The following IGF2BP3 variants were observed in gnomAD, a reference collection of about 807,000 sequenced individuals.
The protein encoded by IGF2BP3 is insulin like growth factor 2 mRNA binding protein 3.
In IGF2BP3, 9 loss-of-function variants were observed where a neutral mutation model predicts 73.8. The ratio of observed to expected loss-of-function variants is 0.12; its 90% CI spans 0.07 to 0.21. IGF2BP3 has a LOEUF of 0.21. IGF2BP3 is among the 10% of genes least tolerant of loss of function. The probability of loss-of-function intolerance (pLI) is 1.00; values close to 1 mark genes in which losing one functional copy is unlikely to be tolerated. For missense variants in IGF2BP3, 542 were observed against 714.0 expected, an observed-to-expected ratio of 0.76 and a Z score of 2.75; for synonymous variants, 258 against 256.7, an observed-to-expected ratio of 1.01 and a Z score of -0.05.
intron 3 of IGF2BP3, among the ~76,000 whole-genome samples, chr7:23,381,814 C>A (rs536010069): frequency 6.6e-6 from 1 of 152,174 alleles, no homozygotes; most frequent in Admixed American, 6.5e-5. Flanking sequence ...AATGATCCAC[C>A]CACCTCGGTC....
intron 3 of IGF2BP3, among the ~76,000 whole-genome samples, chr7:23,379,629 C>T (rs533045942): frequency 1.3e-5 from 2 of 152,144 alleles, no homozygotes; most frequent in African/African-American, 4.8e-5. Context: ...TTCTATAAAA[C>T]AGTAAATTGC....
chr7:23,369,382 A>T (rs1785479777), intron 3 of IGF2BP3, among the ~76,000 whole-genome samples: 1 of 152,146 alleles, frequency 6.6e-6, no homozygotes. Flanking sequence ...ATTCAATCAG[A>T]TCATACCTCA....
chr7:23,403,963 A>C (rs1271494270), intron 3 of IGF2BP3, among the ~76,000 whole-genome samples: 4 of 147,782 alleles, frequency 2.7e-5, no homozygotes, highest in Admixed American at 2.0e-4. Flanking sequence ...TTTGTAAAAC[A>C]AAAAAAAAAA....
At chr7:23,382,954 A>G (rs1318544147) in intron 3 of IGF2BP3, among the ~76,000 whole-genome samples, 2 of 150,104 alleles carry the variant, frequency 1.3e-5, no homozygotes, top group African/African-American at 2.5e-5. Flanking sequence ...GCACCTACAG[A>G]TGCAGCTTCT....
chr7:23,349,413 A>G (rs1784906660), intron 6 of IGF2BP3, among the ~76,000 whole-genome samples: 2 of 152,354 alleles, frequency 1.3e-5, no homozygotes, highest in East Asian at 3.9e-4. Context: ...TAATAAAAAA[A>G]TAGTGTCTTA....
chr7:23,389,708 G>A (rs1203221662), intron 3 of IGF2BP3, among the ~76,000 whole-genome samples: 1 of 151,656 alleles, frequency 6.6e-6, no homozygotes, highest in East Asian at 1.9e-4. Context: ...AAAATAAATG[G>A]TCAGGCTGGG....
intron 2 of IGF2BP3, among the ~76,000 whole-genome samples, chr7:23,455,325 C>A (rs1007794094): frequency 2.6e-5 from 4 of 152,188 alleles, no homozygotes; most frequent in African/African-American, 9.7e-5. Flanking sequence ...TTCCCACACA[C>A]ACCCCAGGAT....
chr7:23,455,891 T>C (rs1788305817), intron 2 of IGF2BP3, among the ~76,000 whole-genome samples: 1 of 152,086 alleles, frequency 6.6e-6, no homozygotes, highest in South Asian at 2.1e-4. Flanking sequence ...TTCACTGTAT[T>C]AGCCAGGATG....
intron 2 of IGF2BP3, among the ~76,000 whole-genome samples, chr7:23,449,166 T>A (rs542804070): frequency 1.3e-5 from 2 of 152,130 alleles, no homozygotes; most frequent in South Asian, 4.2e-4. Flanking sequence ...TAATATGCCA[T>A]GGAATTGCAT....
intron 2 of IGF2BP3, among the ~76,000 whole-genome samples, chr7:23,449,983 A>C (rs1788159696): frequency 6.6e-6 from 1 of 152,118 alleles, no homozygotes; most frequent in Non-Finnish European, 1.5e-5. Flanking sequence ...TCCTAATAAC[A>C]CTAAGATGTT....
intron 4 of IGF2BP3, 29 bp downstream of exon 4, chr7:23,361,661 A>C: frequency 6.2e-7 from 1 of 1,613,816 alleles, no homozygotes; most frequent in Non-Finnish European, 8.5e-7. Flanking sequence ...TCCTTTTACA[A>C]ATTTGAAAGC....
At chr7:23,459,822 T>A (rs960766076) in intron 2 of IGF2BP3, among the ~76,000 whole-genome samples, 9 of 150,204 alleles carry the variant, frequency 6.0e-5, no homozygotes, top group South Asian at 2.1e-4. Flanking sequence ...CAAAGTGAGA[T>A]TCTGACTCGA....
At chr7:23,377,124 C>T (rs1417149581) in intron 3 of IGF2BP3, among the ~76,000 whole-genome samples, 3 of 151,546 alleles carry the variant, frequency 2.0e-5, no homozygotes, top group Non-Finnish European at 4.4e-5. Flanking sequence ...AAAAACTGTG[C>T]TAAAAAGAAA....
chr7:23,378,388 ATTTCTCTTCTTGG>A (rs1211992272), intron 3 of IGF2BP3, among the ~76,000 whole-genome samples: 12 of 122,500 alleles, frequency 9.8e-5, no homozygotes, highest in Non-Finnish European at 1.7e-4. Flanking sequence ...GAAAATAGAC[ATTTCTCTTCTTGG>A]TTTTTTTTTG....
chr7:23,420,095 G>A (rs114052828), intron 2 of IGF2BP3, among the ~76,000 whole-genome samples: 33 of 152,316 alleles, frequency 2.2e-4, no homozygotes, highest in African/African-American at 7.7e-4. Context: ...GAAGGAGGAA[G>A]AATTTATAGT....
chr7:23,442,486 C>T (rs1026617770), intron 2 of IGF2BP3, among the ~76,000 whole-genome samples: 8 of 152,092 alleles, frequency 5.3e-5, no homozygotes, highest in African/African-American at 7.2e-5. Flanking sequence ...CAACCACCGT[C>T]GCCCGGGTTC....
chr7:23,437,461 G>C (rs933752822), intron 2 of IGF2BP3, among the ~76,000 whole-genome samples: 5 of 150,228 alleles, frequency 3.3e-5, no homozygotes, highest in African/African-American at 1.2e-4. Flanking sequence ...CCAGCCTGGG[G>C]GACAAGAGCG....
At chr7:23,441,316 T>A (rs1301663673) in intron 2 of IGF2BP3, among the ~76,000 whole-genome samples, 1 of 152,094 alleles carries the variant, frequency 6.6e-6, no homozygotes, top group African/African-American at 2.4e-5. Flanking sequence ...GGTTCACACC[T>A]GTAATCCCAG....
Position 23,469,518 on chromosome 7 carries a change from G to C in IGF2BP3, c.175+418C>G. 6.6e-6 allele frequency: 1 copy of C among 152,648 alleles called. No individual in the cohort carries two copies. The highest frequency in any genetic ancestry group is 2.1e-4 in the South Asian group (1 of 4,828). The allele number at this position is 152,648 out of a possible 1,614,324, so 9.5% of individuals were successfully genotyped here. A position where few individuals can be genotyped will look rare whatever the true frequency, so the allele number is the denominator to read the frequency against. ...GCCGGGGGTTTCGGGGCGCAGCACA[G>C]ACAGCGCCGTAAATAACGACCGAGG... is the stretch of plus-strand genomic sequence containing the variant. On this transcript the variant is annotated intron_variant, in intron 1 of 14. Transcript: ENST00000258729. The surrounding 1 kb of genome is among the most constrained non-coding windows in gnomAD (Gnocchi z 6.1).
Sources: gnomAD v4.1 joint callset for allele counts (sites outside exome capture counted in the v4.1 genomes callset) on GRCh38, gnomAD v4.1.1 for gene constraint, Gnocchi (gnomAD v3.1) non-coding constraint, MANE v1.5 for transcripts, NCBI Gene and HGNC (gene_info 2026-07-23, HGNC 2026-07-21) for gene names.